Variants in VPS33B observed in about 807,000 individuals in gnomAD.
The protein encoded by VPS33B is vacuolar protein sorting-associated protein 33B.
In VPS33B, 80 loss-of-function variants were observed where a neutral mutation model predicts 95.3. The ratio of observed to expected loss-of-function variants is 0.84; its 90% confidence interval spans 0.70 to 1.01. The LOEUF (loss-of-function observed/expected upper bound fraction) is 1.01, where lower values mean the gene tolerates loss of function less well. Among genes scored for constraint, VPS33B ranks in the 50% least tolerant of loss-of-function variants. VPS33B has a pLI of 0.00. For missense variants in VPS33B, 715 were observed against 773.4 expected (o/e 0.92, Z 0.90); for synonymous variants, 280 against 280.4 (o/e 1.00, Z 0.01).
Position 90,999,473 on chromosome 15 carries a change from C to G in VPS33B, c.1774+204G>C. The G allele has an allele frequency of 1.5e-6, 1 of 649,204 alleles. No individual in the cohort carries two copies. The highest frequency in any genetic ancestry group is 2.8e-6 in the Non-Finnish European group (1 of 357,174). 40.2% of individuals were successfully genotyped at this position (649,204 alleles called of 1,614,324 possible). On this transcript the variant is annotated intron_variant, in intron 22 of 22. Coordinates refer to ENST00000333371, the MANE Select transcript of VPS33B (RefSeq NM_018668.5). This position sits in a 1 kb window ranked among gnomAD's most constrained non-coding sequence, Gnocchi z 5.1. The stretch of plus-strand genomic sequence containing the variant: ...AGTTAGCATTACAGGCACCGGCCAC[C>G]ATGCCTGGCTAATTTTTGTATTTTT...
In VPS33B at chr15:90,999,060, GAGTCAAA is replaced by G. The variant is rs2040355844; in HGVS notation, c.1775-13_1775-7del. 1 of 1,613,898 alleles carries G rather than the reference GAGTCAAA, an allele frequency of 6.2e-7. No homozygotes were observed. On this transcript the variant is annotated splice_region_variant and splice_polypyrimidine_tract_variant and intron_variant, in intron 22 of 22. Transcript: ENST00000333371. This position sits in a 1 kb window ranked among gnomAD's most constrained non-coding sequence, Gnocchi z 5.1. ...CAGGAAAATGAACCTGTAGCCTAAG[GAGTCAAA>G]TGCAGCAGCAGAAGAGACAGCACAG...
At chr15:91,016,129 G>T (rs1265593988) in intron 3 of VPS33B, among the ~76,000 whole-genome samples, 1 of 152,134 alleles carries the variant, frequency 6.6e-6, no homozygotes, top group African/African-American at 2.4e-5. Context: ...GGCTCTGAAG[G>T]ATGGACATTC....
chr15:91,006,443 T>A lies in VPS33B; in HGVS notation c.781A>T (p.Ser261Cys). ...VDDTFRIKCG[S>C]VDFGPEVTSS... is the part of the protein sequence containing the mutation. ...GTGACTTCTGGGCCAAAGTCGACAC[T>A]CCCTTTGAGAGCAGAGGGACAGCTA... Residue 261 changes from serine to cysteine, a missense_variant and splice_region_variant, in exon 11 of 23, where the codon AGT becomes TGT. By Grantham distance (112) the Ser-to-Cys change is moderately radical (BLOSUM62 -1). Coordinates refer to ENST00000333371, the MANE Select transcript of VPS33B (RefSeq NM_018668.5). The surrounding 1 kb of genome is among the most constrained non-coding windows in gnomAD (Gnocchi z 5.4). 6.2e-7 allele frequency: 1 copy of A among 1,614,146 alleles called. No individual in the cohort carries two copies. Among genetic ancestry groups the A allele is most frequent in the Non-Finnish European group, 8.5e-7 (1 of 1,180,024 alleles).
intron 6 of VPS33B, among the ~76,000 whole-genome samples, chr15:91,008,686 A>G (rs1470007761): frequency 6.6e-6 from 1 of 152,246 alleles, no homozygotes; most frequent in Non-Finnish European, 1.5e-5. Context: ...CTTACAGTCT[A>G]GTGAGGGAGA....
Position 91,006,192 on chromosome 15 carries a change from A to C in VPS33B, c.853-133T>G, listed in dbSNP as rs999833923. On this transcript the variant is annotated intron_variant, in intron 11 of 22. Transcript: ENST00000333371. This position sits in a 1 kb window ranked among gnomAD's most constrained non-coding sequence, Gnocchi z 5.4. ...AAGCTGAGCTGGGATCTGTAAGTCCATATCAAATGCCTACACCGTGTTCTA... is the reference window on the plus strand; with the variant it reads ...AAGCTGAGCTGGGATCTGTAAGTCCCTATCAAATGCCTACACCGTGTTCTA... 2 of 1,326,852 alleles carry C rather than the reference A, an allele frequency of 1.5e-6. No homozygotes were observed. Among genetic ancestry groups the C allele is most frequent in the East Asian group, 2.3e-5 (1 of 42,948 alleles). The allele number at this position is 1,326,852 out of a possible 1,614,324, so 82.2% of individuals were successfully genotyped here. A position where few individuals can be genotyped will look rare whatever the true frequency, so the allele number is the denominator to read the frequency against.
At position 91,015,580 on chromosome 15, in the gene VPS33B, TAAG is replaced by T. The variant is rs1223171249; in HGVS notation, c.240-1150_240-1148del. On this transcript the variant is annotated intron_variant, in intron 3 of 22. Transcript: ENST00000333371. The surrounding 1 kb of genome is among the most constrained non-coding windows in gnomAD (Gnocchi z 4.7). ...CTGTAATCACAGCTACTTGGGAGGC[TAAG>T]AAGAATTGCTTGAACCTGGGAGGCA... 1.3e-5 allele frequency among the ~76,000 whole-genome samples: 2 copies of T among 151,798 alleles called. No individual in the cohort carries two copies. Among genetic ancestry groups the T allele is most frequent in the South Asian group, 2.1e-4 (1 of 4,822 alleles).
intron 3 of VPS33B, among the ~76,000 whole-genome samples, chr15:91,016,020 C>G (rs1200492510): frequency 4.6e-5 from 7 of 151,918 alleles, no homozygotes; most frequent in African/African-American, 1.7e-4. Context: ...TGACTACATG[C>G]CGAGCGAACA....
intron 4 of VPS33B, 24 bp downstream of exon 4, chr15:91,014,358 TAC>T: frequency 1.2e-6 from 2 of 1,613,864 alleles, no homozygotes; most frequent in Non-Finnish European, 1.7e-6. Context: ...TTCCCACAGT[TAC>T]ACATAGTACC....
In VPS33B at chr15:91,008,301, T is replaced by C. The variant is rs577568388; in HGVS notation, c.404-337A>G. Among the ~76,000 whole-genome samples the C allele has an allele frequency of 2.0e-5, 3 of 152,298 alleles. No individual in the cohort carries two copies. In the South Asian group the frequency reaches 6.2e-4, roughly 32 times the overall value. On this transcript the variant is annotated intron_variant, in intron 6 of 22. Transcript: ENST00000333371. ...TATTTAGAGATGGAGTTTAGCAATT[T>C]TCATCCAGGCTGGAGTGCAATGGTG...
chr15:91,003,831 A>C (rs1215690774), intron 16 of VPS33B, among the ~76,000 whole-genome samples: 1 of 152,212 alleles, frequency 6.6e-6, no homozygotes, highest in Non-Finnish European at 1.5e-5. Flanking sequence ...TGAGTTCCAA[A>C]AGCACGGTCT....
At chr15:91,001,255 A>G in intron 19 of VPS33B, 134 bp downstream of exon 19, 1 of 656,264 alleles carries the variant, frequency 1.5e-6, no homozygotes. Context: ...GGTTGCAGTG[A>G]GCTGAGATTG....
In VPS33B at chr15:91,000,272, C is replaced by T. The variant is rs2040398224; in HGVS notation, c.1581+218G>A. On this transcript the variant is annotated intron_variant, in intron 20 of 22. Coordinates refer to ENST00000333371, the MANE Select transcript of VPS33B (RefSeq NM_018668.5). This position sits in a 1 kb window ranked among gnomAD's most constrained non-coding sequence, Gnocchi z 4.9. ...ATTAGCTGGGTGCAGTGGCACATGC[C>T]TGTAGTCCCAGCTACTTCGGAAGCT... Among the ~76,000 whole-genome samples, 1 of 152,164 alleles carries T rather than the reference C, an allele frequency of 6.6e-6. No individual in the cohort carries two copies. Among genetic ancestry groups the T allele is most frequent in the African/African-American group, 2.4e-5 (1 of 41,432 alleles).
In VPS33B at chr15:91,018,038, A is replaced by G; in HGVS notation, c.97-153T>C. On this transcript the variant is annotated intron_variant, in intron 1 of 22. Coordinates refer to ENST00000333371, the MANE Select transcript of VPS33B (RefSeq NM_018668.5). This position sits in a 1 kb window ranked among gnomAD's most constrained non-coding sequence, Gnocchi z 4.7. Reference sequence around the variant, plus strand: ...GTCACCTTATTTATTATCTGTATCCACAGTTGACACTTCTCTGTATATTTA... The same window carrying G: ...GTCACCTTATTTATTATCTGTATCCGCAGTTGACACTTCTCTGTATATTTA... The G allele has an allele frequency of 1.4e-6, 1 of 716,458 alleles. No individual in the cohort carries two copies. Among genetic ancestry groups the G allele is most frequent in the Non-Finnish European group, 2.5e-6 (1 of 400,322 alleles). The allele number at this position is 716,458 out of a possible 1,614,324, so 44.4% of individuals were successfully genotyped here. A position where few individuals can be genotyped will look rare whatever the true frequency, so the allele number is the denominator to read the frequency against.
At position 91,009,917 on chromosome 15, in the gene VPS33B, T is replaced by G; in HGVS notation, c.358-71A>C. 1.3e-6 allele frequency: 2 copies of G among 1,571,344 alleles called. No individual in the cohort carries two copies. Among genetic ancestry groups the G allele is most frequent in the Non-Finnish European group, 1.8e-6 (2 of 1,142,216 alleles). The stretch of plus-strand genomic sequence containing the variant: ...TCTCTCCATTTCTCTGGAGTTCCTC[T>G]GTGGTCACTGATGAGGACAATAATT... On this transcript the variant is annotated intron_variant, in intron 5 of 22. Transcript: ENST00000333371. This position sits in a 1 kb window ranked among gnomAD's most constrained non-coding sequence, Gnocchi z 4.1.
rs2040588988 is a variant in VPS33B, at chr15:91,005,919, G to A, written c.939+54C>T. 1 of 1,604,442 alleles carries A rather than the reference G, an allele frequency of 6.2e-7. No homozygotes were observed. The highest frequency in any genetic ancestry group is 8.5e-7 in the Non-Finnish European group (1 of 1,172,154). ...TTAGAAGGGGAGCCCAAGGGCAGCA[G>A]CCTTGGGAAGCCACTGAGGCAACAA... is the stretch of plus-strand genomic sequence containing the variant. On this transcript the variant is annotated intron_variant, in intron 12 of 22. Coordinates refer to ENST00000333371, the MANE Select transcript of VPS33B (RefSeq NM_018668.5). The surrounding 1 kb of genome is among the most constrained non-coding windows in gnomAD (Gnocchi z 6.4).
Position 90,999,767 on chromosome 15 carries a change from T to C in VPS33B, c.1684A>G (p.Ser562Gly). 6.2e-7 allele frequency: 1 copy of C among 1,614,066 alleles called. No homozygotes were observed. The highest frequency in any genetic ancestry group is 8.5e-7 in the Non-Finnish European group (1 of 1,179,982). The change falls in exon 22 of 23, where the codon AGT becomes GGT. Residue 562 changes from serine to glycine, a missense_variant. Physicochemically the swap from Ser to Gly is moderately conservative, Grantham distance 56. Transcript: ENST00000333371. This position sits in a 1 kb window ranked among gnomAD's most constrained non-coding sequence, Gnocchi z 5.1. The stretch of plus-strand genomic sequence containing the variant: ...ACCAAGATGAGGCGCAGGGACTCAC[T>C]GGAAGCCTTGTCTTCCTTAGTCATA... ...TDMTKEDKAS[S>G]ESLRLILVVF...
At chr15:91,017,367 A>AATCTATAT (rs2040962223) in intron 2 of VPS33B, among the ~76,000 whole-genome samples, 3 of 15,848 alleles carry the variant, frequency 1.9e-4, no homozygotes, top group Non-Finnish European at 3.4e-4. Context: ...TACAAAATTA[A>AATCTATAT]ATATATATAT....
intron 3 of VPS33B, among the ~76,000 whole-genome samples, chr15:91,016,398 T>TTC: frequency 6.9e-6 from 1 of 145,280 alleles, no homozygotes; most frequent in African/African-American, 2.7e-5. Context: ...TTTTTTTTTT[T>TTC]TTGAGATGGA....
In VPS33B at chr15:90,998,921, C is replaced by A. The variant is rs146302299; in HGVS notation, c.*54G>T. The A allele has an allele frequency of 1.9e-6, 3 of 1,596,552 alleles. No homozygotes were observed. The African/African-American group carries it at 4.0e-5, about 21-fold the overall frequency. On this transcript the variant is annotated 3_prime_UTR_variant, in exon 23 of 23. Transcript: ENST00000333371. This position sits in a 1 kb window ranked among gnomAD's most constrained non-coding sequence, Gnocchi z 4.8. ...ATAGCAGCTGGGTGCCAGATGCCTG[C>A]ATCTCACTGAGGAATGTGTTCAGGG...
Sources: allele counts gnomAD v4.1 joint callset (sites outside exome capture counted in the v4.1 genomes callset), GRCh38; gene constraint gnomAD v4.1.1; non-coding constraint Gnocchi (gnomAD v3.1); transcripts MANE v1.5; gene names NCBI Gene and HGNC (gene_info 2026-07-23, HGNC 2026-07-21).